Variants in USP24 observed in about 807,000 individuals in gnomAD.
USP24 encodes the protein ubiquitin specific peptidase 24, also known as ubiquitin carboxyl-terminal hydrolase 24.
A neutral mutation model predicts 361.6 loss-of-function variants in USP24; 97 were observed. The ratio of observed to expected loss-of-function variants is 0.27; its 90% CI spans 0.23 to 0.32. The LOEUF is 0.32. Among genes scored for constraint, USP24 ranks in the 10% least tolerant of loss-of-function variants. USP24 has a pLI of 1.00. For missense variants in USP24, 2,353 were observed against 3,165.6 expected, an observed-to-expected ratio of 0.74 and a Z score of 6.16; for synonymous variants, 1,098 against 1,124.6, an observed-to-expected ratio of 0.98 and a Z score of 0.47.
In USP24 at chr1:55,078,634, C is replaced by T; in HGVS notation, c.7218G>A (p.Arg2406=). ...PYLLEVMFAL[R]ELTGSLLALI... is the part of the protein sequence containing the mutation. ...GTGCCAAGAGCGAGCCTGTCAGCTC[C>T]CGCAAAGCAAACATTACCTGGTGGG... Residue 2406 remains arginine, a synonymous_variant, in exon 61 of 68, where the codon CGG becomes CGA. Coordinates refer to ENST00000294383, the MANE Select transcript of USP24 (RefSeq NM_015306.3). 6.2e-7 allele frequency: 1 copy of T among 1,607,890 alleles called. No homozygotes were observed. Among genetic ancestry groups the T allele is most frequent in the Non-Finnish European group, 8.5e-7 (1 of 1,178,378 alleles).
intron 17 of USP24, 100 bp from the exon 18 acceptor site, chr1:55,147,898 C>G: frequency 2.5e-6 from 3 of 1,216,460 alleles, no homozygotes; most frequent in Non-Finnish European, 3.4e-6. Context: ...CTAGATGAGA[C>G]AAAGCAAACA....
At position 55,215,206 on chromosome 1, in the gene USP24, C is replaced by A; in HGVS notation, c.-93G>T. 1 of 1,091,460 alleles carries A rather than the reference C, an allele frequency of 9.2e-7. No individual in the cohort carries two copies. The highest frequency in any genetic ancestry group is 1.1e-6 in the Non-Finnish European group (1 of 871,740). The allele number at this position is 1,091,460 out of a possible 1,614,324, so 67.6% of individuals were successfully genotyped here. On this transcript the variant is annotated 5_prime_UTR_variant, in exon 1 of 68. Coordinates refer to ENST00000294383, the MANE Select transcript of USP24 (RefSeq NM_015306.3). ...CGCGGCGCACCCTCCGCGCCGCCTC[C>A]GCGCCCAGGTTGGCCCCTGCGTTCC...
intron 20 of USP24, among the ~76,000 whole-genome samples, chr1:55,145,564 G>C (rs1460280452): frequency 6.6e-6 from 1 of 152,264 alleles, no homozygotes; most frequent in Middle Eastern, 3.4e-3. Context: ...AATGTTCTGG[G>C]ATTGGAACAG....
intron 3 of USP24, among the ~76,000 whole-genome samples, chr1:55,175,668 T>A (rs1353021819): frequency 6.6e-6 from 1 of 152,222 alleles, no homozygotes. Context: ...GAGCTCTTTC[T>A]ATGAGCTAGG....
At chr1:55,136,853 T>C (rs1646750293) in intron 28 of USP24, among the ~76,000 whole-genome samples, 1 of 152,062 alleles carries the variant, frequency 6.6e-6, no homozygotes. Context: ...ACTTAAGAGA[T>C]GTTAAGTGGA....
chr1:55,092,120 A>G lies in USP24; in HGVS notation c.6457T>C (p.Leu2153=). The G allele has an allele frequency of 2.5e-6, 4 of 1,608,100 alleles. 1 individual carries two copies. The highest frequency in any genetic ancestry group is 3.4e-6 in the Non-Finnish European group (4 of 1,177,006). Reference sequence around the variant, plus strand: ...ATGCAAGGATAATATGGATGCTTTAATTTAGTCTAAGAGAGGGAAACATGA... The same window carrying G: ...ATGCAAGGATAATATGGATGCTTTAGTTTAGTCTAAGAGAGGGAAACATGA... ...LSLASLNATK[L]KHPYYPCMAK... Residue 2153 remains leucine (L), a synonymous_variant, in exon 54 of 68, where the codon TTA becomes CTA. Coordinates refer to ENST00000294383, the MANE Select transcript of USP24 (RefSeq NM_015306.3).
At chr1:55,155,726 A>G (rs74073053) in intron 12 of USP24, among the ~76,000 whole-genome samples, 1 of 152,062 alleles carries the variant, frequency 6.6e-6, no homozygotes, top group African/African-American at 2.4e-5. Context: ...TGCCAATGAG[A>G]GGAAGCGCTG....
intron 42 of USP24, among the ~76,000 whole-genome samples, chr1:55,103,142 C>T (rs1056157079): frequency 2.6e-5 from 4 of 152,200 alleles, no homozygotes; most frequent in African/African-American, 9.7e-5. Flanking sequence ...CAGATCCCAA[C>T]ATACACTAAG....
intron 24 of USP24, 126 bp downstream of exon 24, chr1:55,141,490 G>C (rs1646888170): frequency 3.5e-6 from 3 of 852,478 alleles, no homozygotes; most frequent in Non-Finnish European, 5.5e-6. Context: ...TCAGGATTAT[G>C]ACAGCTTGCA....
intron 31 of USP24, among the ~76,000 whole-genome samples, chr1:55,130,012 T>C (rs1269440617): frequency 6.6e-6 from 1 of 152,214 alleles, no homozygotes; most frequent in Non-Finnish European, 1.5e-5. Context: ...CAGGCATATG[T>C]ATTTTACTTT....
At chr1:55,124,432 C>T (rs779047189) in intron 35 of USP24, 37 bp downstream of exon 35, 17 of 1,581,418 alleles carry the variant, frequency 1.1e-5, no homozygotes, top group Non-Finnish European at 1.5e-5. Flanking sequence ...TTATTTCTTA[C>T]CCAGTGTTCT....
Position 55,075,494 on chromosome 1 carries a change from T to G in USP24, c.7410A>C (p.Arg2470=). Reference sequence around the variant, plus strand: ...TTTCTGTCTCAAACACAAATTTGACTCGCTCTACTTGTATAGGATCTTCAA... The same window carrying G: ...TTTCTGTCTCAAACACAAATTTGACGCGCTCTACTTGTATAGGATCTTCAA... ...LVIEDPIQVE[R]VKFVFETENG... is the part of the protein sequence containing the mutation. Residue 2470 remains arginine (R), a synonymous_variant, in exon 63 of 68, where the codon CGA becomes CGC. Transcript: ENST00000294383. The G allele has an allele frequency of 6.2e-7, 1 of 1,604,570 alleles. No homozygotes were observed. Among genetic ancestry groups the G allele is most frequent in the Non-Finnish European group, 8.5e-7 (1 of 1,175,736 alleles).
intron 54 of USP24, among the ~76,000 whole-genome samples, chr1:55,091,099 C>A (rs1435158073): frequency 6.6e-6 from 1 of 152,108 alleles, no homozygotes; most frequent in Admixed American, 6.5e-5. Flanking sequence ...CCCAAAAAAA[C>A]CATAAAACCA....
chr1:55,086,335 T>C (rs1645251326), intron 55 of USP24: 1 of 384,592 alleles, frequency 2.6e-6, no homozygotes, highest in Non-Finnish European at 4.8e-6. Flanking sequence ...AGAGGTACAA[T>C]CAGACTCAGC....
chr1:55,114,564 C>T (rs1646049474), intron 38 of USP24, among the ~76,000 whole-genome samples: 1 of 152,136 alleles, frequency 6.6e-6, no homozygotes, highest in Admixed American at 6.5e-5. Flanking sequence ...TGGAACAGAA[C>T]AGAAGCCTCA....
intron 59 of USP24, among the ~76,000 whole-genome samples, 152 bp from the exon 60 acceptor site, chr1:55,079,811 G>A (rs74650614): frequency 0.11 from 16,627 of 149,230 alleles, 1,105 homozygotes; most frequent in Non-Finnish European, 0.15. Flanking sequence ...CACACACTGA[G>A]TACTCGCAGA....
rs1315023567 is a variant in USP24 at position 55,099,847 on chromosome 1, T to C, written c.5294A>G (p.Glu1765Gly). ...FWKIFKMWNKELYVREQQDAY... is the reference protein window; with the variant it reads ...FWKIFKMWNKGLYVREQQDAY... ...ATCCTGCTGTTCTCTCACATAAAGT[T>C]CTTTATTCCACATCTTGAAAATCTA... Residue 1765 changes from glutamate to glycine, a missense_variant, in exon 45 of 68, where the codon GAA becomes GGA. Glu to Gly is a moderately conservative substitution (Grantham distance 98, BLOSUM62 -2). Around this residue, in one of 8 missense-constraint regions of USP24, gnomAD observed 105 missense variants for 200.3 expected, o/e 0.52. Coordinates refer to ENST00000294383, the MANE Select transcript of USP24 (RefSeq NM_015306.3). 6.4e-7 allele frequency: 1 copy of C among 1,553,674 alleles called. No homozygotes were observed. The highest frequency in any genetic ancestry group is 2.0e-5 in the Admixed American group (1 of 50,968).
At chr1:55,148,303 A>G (rs1434780023) in intron 17 of USP24, among the ~76,000 whole-genome samples, 160 bp downstream of exon 17, 1 of 151,920 alleles carries the variant, frequency 6.6e-6, no homozygotes, top group Non-Finnish European at 1.5e-5. Flanking sequence ...GCAGAAATGA[A>G]AGCAGAATGA....
intron 59 of USP24, among the ~76,000 whole-genome samples, chr1:55,080,297 T>C (rs1645123973): frequency 6.6e-6 from 1 of 152,230 alleles, no homozygotes; most frequent in African/African-American, 2.4e-5. Flanking sequence ...CTCTGCCTTA[T>C]AACACAACCA....
Sources: gnomAD v4.1 joint callset for allele counts (sites outside exome capture counted in the v4.1 genomes callset) on GRCh38, gnomAD v4.1.1 for gene constraint, gnomAD v4.1.1 regional missense constraint, MANE v1.5 for transcripts, NCBI Gene and HGNC (gene_info 2026-07-23, HGNC 2026-07-21) for gene names.